CACNA1C: variants seen among roughly 807,000 people sequenced by gnomAD.
The protein encoded by CACNA1C is voltage-dependent L-type calcium channel subunit alpha-1C.
A neutral mutation model predicts 229.0 loss-of-function variants in CACNA1C; 30 were observed. That is an observed-to-expected ratio of 0.13 (90% confidence interval 0.10 to 0.18). The LOEUF is 0.18. CACNA1C is among the 10% of genes least tolerant of loss of function. CACNA1C has a pLI of 1.00. For missense variants in CACNA1C, 1,658 were observed against 2,845.0 expected (o/e 0.58, Z 9.49); for synonymous variants, 1,114 against 1,132.5 (o/e 0.98, Z 0.33).
In CACNA1C at chr12:2,441,542, T is replaced by C. The variant is rs545675128; in HGVS notation, c.478-7434T>C. On this transcript the variant is annotated intron_variant, in intron 3 of 46. Transcript: ENST00000399655. ...GAGGAGCTCTTTATTCCGTCCCATG[T>C]CCTAAAATCTCACTGTGCCTTTGGC... is the stretch of plus-strand genomic sequence containing the variant. Among the ~76,000 whole-genome samples, 3 of 152,312 alleles carry C rather than the reference T, an allele frequency of 2.0e-5. No individual in the cohort carries two copies. In the East Asian group the frequency reaches 5.8e-4, roughly 29 times the overall value.
At chr12:2,318,268 G>A (rs2095798085) in intron 3 of CACNA1C, among the ~76,000 whole-genome samples, 1 of 152,256 alleles carries the variant, frequency 6.6e-6, no homozygotes. Flanking sequence ...AGATTTTGTT[G>A]GAGCTGTGGA....
chr12:2,151,634 G>C (rs1412381391), intron 3 of CACNA1C, among the ~76,000 whole-genome samples: 1 of 152,202 alleles, frequency 6.6e-6, no homozygotes, highest in Non-Finnish European at 1.5e-5. Context: ...GTGAAGCTGG[G>C]CAGAGAGCCA....
intron 3 of CACNA1C, among the ~76,000 whole-genome samples, chr12:2,254,761 G>A (rs1441387136): frequency 6.6e-6 from 1 of 152,158 alleles, no homozygotes; most frequent in Non-Finnish European, 1.5e-5. Context: ...AATGGGGGAC[G>A]ATATATGTTG....
At chr12:2,446,231 ATGGG>A (rs1440361808) in intron 3 of CACNA1C, among the ~76,000 whole-genome samples, 37 of 135,476 alleles carry the variant, frequency 2.7e-4, no homozygotes, top group African/African-American at 9.0e-4. Flanking sequence ...GGATGGATGG[ATGGG>A]TAGGTGGGTG....
At chr12:2,149,523 G>A (rs915967659) in intron 3 of CACNA1C, among the ~76,000 whole-genome samples, 26 of 152,212 alleles carry the variant, frequency 1.7e-4, no homozygotes, top group Non-Finnish European at 3.4e-4. Flanking sequence ...TCCCGCTTTA[G>A]GAATGCTCAT....
At chr12:2,507,590 C>T (rs1166625766) in intron 8 of CACNA1C, among the ~76,000 whole-genome samples, 1 of 152,236 alleles carries the variant, frequency 6.6e-6, no homozygotes, top group Non-Finnish European at 1.5e-5. Flanking sequence ...AAAGGTCTCA[C>T]TGCTCCATGA....
chr12:2,279,119 A>T (rs534142158), intron 3 of CACNA1C, among the ~76,000 whole-genome samples: 18 of 152,198 alleles, frequency 1.2e-4, no homozygotes, highest in African/African-American at 4.1e-4. Flanking sequence ...TTCTTTATAT[A>T]TTCTGGCTGG....
chr12:2,146,349 A>G lies in CACNA1C; in HGVS notation c.477+25919A>G, dbSNP rs972809995. Among the ~76,000 whole-genome samples the G allele has an allele frequency of 1.3e-5, 2 of 151,342 alleles. 1 individual carries two copies. The highest frequency in any genetic ancestry group is 3.0e-5 in the Non-Finnish European group (2 of 67,658). On this transcript the variant is annotated intron_variant, in intron 3 of 46. Transcript: ENST00000399655. ...GGCTTCACTTGTGAAGTGGCACTTG[A>G]GTGAGGCCGTCATCAGCATAGGAAT...
chr12:1,974,809 T>C (rs2033793804), intron 1 of CACNA1C, among the ~76,000 whole-genome samples: 1 of 152,232 alleles, frequency 6.6e-6, no homozygotes, highest in Non-Finnish European at 1.5e-5. Context: ...TAAGTGAATC[T>C]CAATGTACAT....
In CACNA1C at chr12:2,646,329, C is replaced by G. The variant is rs181049870; in HGVS notation, c.3913-2146C>G. ...TAGAGGTTGGTTCAATTAGGCCAGG[C>G]AAGCCAAGTACCTGGGTGCGTTGTC... On this transcript the variant is annotated intron_variant, in intron 30 of 46. Transcript: ENST00000399655. The surrounding 1 kb of genome is among the most constrained non-coding windows in gnomAD (Gnocchi z 4.6). 1 of 152,128 alleles carries G rather than the reference C, an allele frequency of 6.6e-6. No individual in the cohort carries two copies. The highest frequency in any genetic ancestry group is 2.4e-5 in the African/African-American group (1 of 41,402). The allele number at this position is 152,128 out of a possible 1,614,324, so 9.4% of individuals were successfully genotyped here.
At chr12:2,064,642 G>T (rs1342866247) in intron 1 of CACNA1C, among the ~76,000 whole-genome samples, 2 of 152,192 alleles carry the variant, frequency 1.3e-5, no homozygotes, top group Non-Finnish European at 2.9e-5. Flanking sequence ...GGAGAAAATT[G>T]GGAAAGGAGG....
chr12:2,608,616 C>A lies in CACNA1C; in HGVS notation c.3462C>A (p.Ala1154=), dbSNP rs1168511209. 1 of 1,611,244 alleles carries A rather than the reference C, an allele frequency of 6.2e-7. No homozygotes were observed. The highest frequency in any genetic ancestry group is 8.5e-7 in the Non-Finnish European group (1 of 1,177,322). ...IFFIIYIIII[A]FFMMNIFVGF... The stretch of plus-strand genomic sequence containing the variant: ...TCATCATCTACATCATCATCATCGC[C>A]TTCTTCATGATGAACATCTTCGTGG... Residue 1154 remains alanine, a synonymous_variant, in exon 27 of 47, where the codon GCC becomes GCA. Transcript: ENST00000399655. This position sits in a 1 kb window ranked among gnomAD's most constrained non-coding sequence, Gnocchi z 4.2.
chr12:2,578,542 G>A (rs375320242), intron 13 of CACNA1C, among the ~76,000 whole-genome samples: 21 of 152,232 alleles, frequency 1.4e-4, no homozygotes, highest in African/African-American at 4.6e-4. Flanking sequence ...TGCCCGGAGC[G>A]GGGGTCCAGG....
intron 9 of CACNA1C, among the ~76,000 whole-genome samples, chr12:2,514,289 C>G (rs1172881872): frequency 6.6e-6 from 1 of 152,190 alleles, no homozygotes; most frequent in Non-Finnish European, 1.5e-5. Context: ...TCAAAGATAG[C>G]TTTAATAAAT....
upstream of CACNA1C, among the ~76,000 whole-genome samples, chr12:2,051,204 TTG>T (rs893215783): frequency 1.3e-5 from 2 of 152,080 alleles, no homozygotes; most frequent in Non-Finnish European, 2.9e-5. Context: ...CCGAGGGAGT[TTG>T]TGTTTCAGGC....
intron 5 of CACNA1C, among the ~76,000 whole-genome samples, chr12:2,471,333 T>A (rs960733459): frequency 3.3e-5 from 5 of 152,230 alleles, no homozygotes; most frequent in African/African-American, 1.2e-4. Context: ...ATTTTTACTT[T>A]AGTCAATTGT....
intron 3 of CACNA1C, among the ~76,000 whole-genome samples, chr12:2,135,002 A>G (rs1455263991): frequency 1.5e-5 from 2 of 132,754 alleles, no homozygotes; most frequent in East Asian, 2.2e-4. Flanking sequence ...GGCTTTGCTC[A>G]TTTCTTTTTA....
Position 2,597,187 on chromosome 12 carries a change from C to T in CACNA1C, c.2794-43C>T. The T allele has an allele frequency of 1.5e-6, 2 of 1,301,268 alleles. No homozygotes were observed. Among genetic ancestry groups the T allele is most frequent in the South Asian group, 2.4e-5 (2 of 82,400 alleles). 80.6% of individuals were successfully genotyped at this position (1,301,268 alleles called of 1,614,324 possible). A position where few individuals can be genotyped will look rare whatever the true frequency, so the allele number is the denominator to read the frequency against. ...CCTCTCTTCCCGTCCTGCTTTTCTC[C>T]CTTCCCCATCCCATCCCCACCCTGT... On this transcript the variant is annotated intron_variant, in intron 20 of 46. Transcript: ENST00000399655. The surrounding 1 kb of genome is among the most constrained non-coding windows in gnomAD (Gnocchi z 4.3).
chr12:2,581,450 C>A, intron 13 of CACNA1C, 140 bp from the exon 14 acceptor site: 1 of 705,912 alleles, frequency 1.4e-6, no homozygotes, highest in Non-Finnish European at 2.3e-6. Flanking sequence ...CCACCACCAA[C>A]ACGCATCCCC....
Sources: allele counts gnomAD v4.1 joint callset (sites outside exome capture counted in the v4.1 genomes callset), GRCh38; gene constraint gnomAD v4.1.1; non-coding constraint Gnocchi (gnomAD v3.1); transcripts MANE v1.5; gene names NCBI Gene and HGNC (gene_info 2026-07-23, HGNC 2026-07-21).